VPS13B: variants seen among roughly 807,000 people sequenced by gnomAD.
The protein encoded by VPS13B is vacuolar protein sorting 13 homolog B.
VPS13B carries 285 observed loss-of-function variants against 426.4 expected under a neutral mutation model. The ratio of observed to expected loss-of-function variants is 0.67; its 90% CI spans 0.61 to 0.74. VPS13B has a LOEUF of 0.74. Among genes scored for constraint, VPS13B ranks in the 30% least tolerant of loss-of-function variants. VPS13B has a pLI of 0.00. For synonymous variants in VPS13B, 1,676 were observed against 1,676.4 expected (o/e 1.00, Z 0.01); for missense variants, 4,537 against 4,782.6 (o/e 0.95, Z 1.51).
intron 15 of VPS13B, among the ~76,000 whole-genome samples, chr8:99,163,119 A>G (rs1343593559): frequency 6.6e-6 from 1 of 152,066 alleles, no homozygotes; most frequent in Non-Finnish European, 1.5e-5. Context: ...ACAAACCTTG[A>G]GCTAGATACA....
At chr8:99,613,006 CT>C (rs1255230349) in intron 33 of VPS13B, among the ~76,000 whole-genome samples, 1 of 152,114 alleles carries the variant, frequency 6.6e-6, no homozygotes, top group African/African-American at 2.4e-5. Flanking sequence ...TTCTGGATTC[CT>C]CCAGTTTCTA....
At chr8:99,541,351 T>G (rs893141736) in intron 30 of VPS13B, among the ~76,000 whole-genome samples, 5 of 152,174 alleles carry the variant, frequency 3.3e-5, no homozygotes, top group Non-Finnish European at 5.9e-5. Flanking sequence ...TTTTTAACTT[T>G]AAGTTCTGGA....
intron 19 of VPS13B, among the ~76,000 whole-genome samples, chr8:99,286,942 G>A (rs1231140034): frequency 2.0e-5 from 3 of 152,072 alleles, no homozygotes. Flanking sequence ...GGATAATTCT[G>A]TTGACCTTAA....
At chr8:99,820,316 A>G (rs1326351048) in intron 49 of VPS13B, among the ~76,000 whole-genome samples, 194 bp downstream of exon 49, 2 of 151,846 alleles carry the variant, frequency 1.3e-5, no homozygotes, top group East Asian at 1.9e-4. Context: ...CATCAACACT[A>G]TTGGTGCTTG....
chr8:99,743,110 T>G (rs1809849263), intron 39 of VPS13B, among the ~76,000 whole-genome samples: 1 of 152,324 alleles, frequency 6.6e-6, no homozygotes, highest in African/African-American at 2.4e-5. Context: ...CTTAAGCTGA[T>G]AGGCAACTTC....
intron 16 of VPS13B, among the ~76,000 whole-genome samples, chr8:99,180,133 A>G (rs1812868385): frequency 6.6e-6 from 1 of 152,170 alleles, no homozygotes; most frequent in Admixed American, 6.6e-5. Flanking sequence ...TCTGTTTTAA[A>G]TTAACTTGTC....
At chr8:99,693,832 A>G (rs954010761) in intron 35 of VPS13B, among the ~76,000 whole-genome samples, 1 of 150,452 alleles carries the variant, frequency 6.6e-6, no homozygotes, top group African/African-American at 2.5e-5. Context: ...TAAGCTGATA[A>G]GCAACTTCAG....
chr8:99,719,165 A>G (rs1239503414), intron 37 of VPS13B, among the ~76,000 whole-genome samples: 2 of 152,228 alleles, frequency 1.3e-5, no homozygotes, highest in Admixed American at 6.5e-5. Flanking sequence ...CAAGGCAGCC[A>G]AGTAACTTCA....
At chr8:99,592,220 C>T (rs1469732359) in intron 33 of VPS13B, among the ~76,000 whole-genome samples, 1 of 151,970 alleles carries the variant, frequency 6.6e-6, no homozygotes, top group African/African-American at 2.4e-5. Context: ...TTCATCTAAT[C>T]TTTTTTCAAG....
At chr8:99,255,478 A>G (rs1335606368) in intron 17 of VPS13B, among the ~76,000 whole-genome samples, 1 of 151,936 alleles carries the variant, frequency 6.6e-6, no homozygotes, top group Non-Finnish European at 1.5e-5. Context: ...TTGTTTTCCG[A>G]GATTCTGTGT....
chr8:99,840,351 TAA>T (rs1421743643), intron 54 of VPS13B, among the ~76,000 whole-genome samples: 1 of 152,240 alleles, frequency 6.6e-6, no homozygotes, highest in African/African-American at 2.4e-5. Context: ...CCAAATAAAT[TAA>T]GTCTTGTTGA....
intron 30 of VPS13B, among the ~76,000 whole-genome samples, chr8:99,531,554 T>C (rs1214195312): frequency 1.3e-5 from 2 of 152,146 alleles, no homozygotes; most frequent in Non-Finnish European, 2.9e-5. Flanking sequence ...TTGTTAAATA[T>C]CTCTCTTCAT....
At chr8:99,515,361 A>AGCTGCTGCTGCT (rs576737553) in intron 29 of VPS13B, among the ~76,000 whole-genome samples, 1 of 150,162 alleles carries the variant, frequency 6.7e-6, no homozygotes, top group Non-Finnish European at 1.5e-5. Context: ...TTATTTTTAA[A>AGCTGCTGCTGCT]GCTGCTGCTG....
chr8:99,349,510 G>C (rs3110399), intron 19 of VPS13B, among the ~76,000 whole-genome samples: 125,560 of 151,944 alleles, frequency 0.83, 52,395 homozygotes, highest in South Asian at 0.89. Flanking sequence ...TATGATTAGA[G>C]TTGCCAGGTA....
At chr8:99,020,974 A>G (rs1293914394) in intron 2 of VPS13B, among the ~76,000 whole-genome samples, 1 of 152,224 alleles carries the variant, frequency 6.6e-6, no homozygotes, top group Non-Finnish European at 1.5e-5. Context: ...TTAATTTAAG[A>G]CATATAGGAT....
At chr8:99,818,918 C>G (rs1563489689) in intron 47 of VPS13B, 30 bp downstream of exon 47, 2 of 1,338,560 alleles carry the variant, frequency 1.5e-6, no homozygotes, top group Non-Finnish European at 2.0e-6. Context: ...ATACATTTTA[C>G]ATTTTCCTAG....
rs1588654726 is a variant in VPS13B at position 99,720,877 on chromosome 8, C to G, written c.6880C>G (p.Pro2294Ala). The stretch of plus-strand genomic sequence containing the variant: ...TTATTTGACAGAATCTTTGAAATTG[C>G]CTGGGGTCTATGAAGTCTTATTTTA... ...YVQDAESLKL[P>A]GVYEVLFYNE... The change falls in exon 39 of 62, where the codon CCT becomes GCT. Residue 2294 changes from proline to alanine, a missense_variant. This residue lies in a region of VPS13B where 4,311 missense variants were observed against 4,474.3 expected (regional missense o/e 0.96). Transcript: ENST00000357162. 1.2e-6 allele frequency: 2 copies of G among 1,613,390 alleles called. No homozygotes were observed. Among genetic ancestry groups the G allele is most frequent in the Non-Finnish European group, 8.5e-7 (1 of 1,179,670 alleles).
At chr8:99,731,657 G>C (rs1833604016) in intron 39 of VPS13B, among the ~76,000 whole-genome samples, 1 of 152,258 alleles carries the variant, frequency 6.6e-6, no homozygotes, top group South Asian at 2.1e-4. Flanking sequence ...CAACCTGAAG[G>C]GAGTAGTGGG....
At chr8:99,539,648 G>A (rs906883718) in intron 30 of VPS13B, among the ~76,000 whole-genome samples, 4 of 152,054 alleles carry the variant, frequency 2.6e-5, no homozygotes, top group Non-Finnish European at 4.4e-5. Context: ...TGAGGCTGGA[G>A]GATCACTTGA....
Sources: allele counts gnomAD v4.1 joint callset (sites outside exome capture counted in the v4.1 genomes callset), GRCh38; gene constraint gnomAD v4.1.1; regional missense constraint gnomAD v4.1.1; transcripts MANE v1.5; gene names NCBI Gene and HGNC (gene_info 2026-07-23, HGNC 2026-07-21).